ASAP2: variants seen among roughly 807,000 people sequenced by gnomAD.
ASAP2 encodes arf-GAP with SH3 domain, ANK repeat and PH domain-containing protein 2.
In ASAP2, 45 loss-of-function variants were observed where a neutral mutation model predicts 131.4. The observed-to-expected ratio is 0.34, with a 90% CI of 0.27 to 0.44. The LOEUF (loss-of-function observed/expected upper bound fraction) is 0.44. Among genes scored for constraint, ASAP2 ranks in the 20% least tolerant of loss-of-function variants. ASAP2 has a pLI of 1.00. For synonymous variants in ASAP2, 510 were observed against 503.0 expected (o/e 1.01, Z -0.19); for missense variants, 1,011 against 1,297.0 (o/e 0.78, Z 3.39).
At chr2:9,215,852 G>T (rs563119020) in intron 1 of ASAP2, among the ~76,000 whole-genome samples, 1 of 152,136 alleles carries the variant, frequency 6.6e-6, no homozygotes, top group South Asian at 2.1e-4. Context: ...CGCTCTTGGC[G>T]GGGAGCCATC....
intron 7 of ASAP2, among the ~76,000 whole-genome samples, chr2:9,330,748 G>A (rs1007299471): frequency 3.3e-5 from 5 of 152,174 alleles, no homozygotes; most frequent in Admixed American, 6.5e-5. Context: ...TTTTTAAGAA[G>A]AAGCTATTCT....
intron 9 of ASAP2, among the ~76,000 whole-genome samples, chr2:9,338,178 G>A (rs562993155): frequency 6.6e-6 from 1 of 152,272 alleles, no homozygotes; most frequent in Admixed American, 6.5e-5. Flanking sequence ...TTGATGTGGA[G>A]AACCCAGACT....
intron 3 of ASAP2, among the ~76,000 whole-genome samples, chr2:9,305,399 T>G (rs62121314): frequency 6.7e-5 from 6 of 89,716 alleles, no homozygotes; most frequent in South Asian, 3.2e-4. Flanking sequence ...GGAGGGGCTG[T>G]AATAGTGGGG....
intron 1 of ASAP2, among the ~76,000 whole-genome samples, chr2:9,276,958 G>A (rs1666799670): frequency 6.6e-6 from 1 of 152,192 alleles, no homozygotes; most frequent in South Asian, 2.1e-4. Flanking sequence ...GGCTGACATG[G>A]GTGTCTTCCA....
At chr2:9,275,175 G>A (rs991513399) in intron 1 of ASAP2, among the ~76,000 whole-genome samples, 4 of 151,044 alleles carry the variant, frequency 2.6e-5, no homozygotes, top group African/African-American at 9.8e-5. Context: ...CCAACTTCTG[G>A]ATTTAAGTGA....
At chr2:9,317,951 C>T (rs890556784) in intron 3 of ASAP2, among the ~76,000 whole-genome samples, 1 of 152,124 alleles carries the variant, frequency 6.6e-6, no homozygotes, top group Admixed American at 6.5e-5. Flanking sequence ...CCACAACACC[C>T]TCACTCAGTC....
At chr2:9,387,081 G>A (rs527783974) in intron 21 of ASAP2, among the ~76,000 whole-genome samples, 5 of 151,206 alleles carry the variant, frequency 3.3e-5, no homozygotes, top group South Asian at 4.2e-4. Flanking sequence ...TGGTGGGTGG[G>A]GGGGCGCCTG....
intron 27 of ASAP2, among the ~76,000 whole-genome samples, chr2:9,402,802 A>T (rs775785729): frequency 2.0e-5 from 3 of 152,256 alleles, no homozygotes; most frequent in Admixed American, 6.5e-5. Flanking sequence ...AGGGAACATA[A>T]GTGGATAGAG....
intron 5 of ASAP2, among the ~76,000 whole-genome samples, chr2:9,321,879 T>G (rs1347118244): frequency 2.0e-5 from 3 of 152,204 alleles, no homozygotes; most frequent in Non-Finnish European, 4.4e-5. Context: ...AATTGTAGGA[T>G]AAATAAAGGA....
intron 17 of ASAP2, among the ~76,000 whole-genome samples, chr2:9,376,355 G>A (rs2148721216): frequency 6.6e-6 from 1 of 152,364 alleles, no homozygotes; most frequent in South Asian, 2.1e-4. Context: ...AACAATCCTT[G>A]TTCATCTCTT....
At chr2:9,231,626 T>A (rs1265273234) in intron 1 of ASAP2, among the ~76,000 whole-genome samples, 1 of 152,184 alleles carries the variant, frequency 6.6e-6, no homozygotes, top group East Asian at 1.9e-4. Flanking sequence ...CAGAGGGCCC[T>A]GTTCTTGCTC....
intron 1 of ASAP2, among the ~76,000 whole-genome samples, chr2:9,266,131 A>C (rs1369260428): frequency 1.3e-5 from 2 of 148,996 alleles, no homozygotes; most frequent in African/African-American, 5.0e-5. Context: ...TTTTATAAAA[A>C]CGATTGCCTT....
At chr2:9,387,852 C>T (rs1335390847) in intron 21 of ASAP2, among the ~76,000 whole-genome samples, 2 of 152,112 alleles carry the variant, frequency 1.3e-5, no homozygotes, top group Non-Finnish European at 2.9e-5. Flanking sequence ...GGGAAACATA[C>T]AATCATGGCA....
chr2:9,391,600 G>A (rs1420751661), intron 23 of ASAP2, among the ~76,000 whole-genome samples: 3 of 141,414 alleles, frequency 2.1e-5, no homozygotes, highest in East Asian at 4.1e-4. Flanking sequence ...TTTTGAGACA[G>A]AGTCTCACTC....
intron 27 of ASAP2, among the ~76,000 whole-genome samples, chr2:9,402,861 C>T (rs1558408930): frequency 6.6e-6 from 1 of 152,190 alleles, no homozygotes. Context: ...CCAACTTATA[C>T]CTTTGCCACT....
intron 21 of ASAP2, among the ~76,000 whole-genome samples, chr2:9,386,358 G>A (rs184614635): frequency 1.6e-3 from 247 of 151,928 alleles, no homozygotes; most frequent in Admixed American, 4.9e-3. Context: ...AGTGAGAAGA[G>A]TTGACTGATT....
At chr2:9,359,696 C>A (rs1292713362) in intron 15 of ASAP2, among the ~76,000 whole-genome samples, 1 of 152,190 alleles carries the variant, frequency 6.6e-6, no homozygotes, top group Non-Finnish European at 1.5e-5. Flanking sequence ...GACAGAAAAT[C>A]AATAGTTGTG....
intron 1 of ASAP2, among the ~76,000 whole-genome samples, chr2:9,250,030 T>G (rs942015165): frequency 6.6e-6 from 1 of 152,232 alleles, no homozygotes; most frequent in Admixed American, 6.5e-5. Context: ...ATTTTCTTAC[T>G]TGGAATATTT....
intron 16 of ASAP2, among the ~76,000 whole-genome samples, chr2:9,369,678 A>G (rs1317230656): frequency 6.6e-6 from 1 of 152,176 alleles, no homozygotes; most frequent in African/African-American, 2.4e-5. Context: ...ATGTGATAAG[A>G]AAAAGTATTT....
Sources: gnomAD v4.1 joint callset for allele counts (sites outside exome capture counted in the v4.1 genomes callset) on GRCh38, gnomAD v4.1.1 for gene constraint, MANE v1.5 for transcripts, NCBI Gene and HGNC (gene_info 2026-07-23, HGNC 2026-07-21) for gene names.